The following SRMS variants were observed in gnomAD, a reference collection of about 807,000 sequenced individuals.
The protein encoded by SRMS is src-related kinase lacking C-terminal regulatory tyrosine and N-terminal myristylation sites, also known as tyrosine-protein kinase Srms.
Under a neutral mutation model 43.5 loss-of-function variants are expected in SRMS, and 42 were observed. The ratio of observed to expected loss-of-function variants is 0.97; its 90% CI spans 0.75 to 1.25. SRMS has a LOEUF of 1.25. Ranked by LOEUF, SRMS falls within the 50% of genes most tolerant of loss-of-function variation. The probability of loss-of-function intolerance (pLI) is 0.00; values close to 1 mark genes in which losing one functional copy is unlikely to be tolerated. For missense variants in SRMS, 703 were observed against 681.0 expected (o/e 1.03, Z -0.36); for synonymous variants, 316 against 308.2 (o/e 1.03, Z -0.27).
Position 63,544,358 on chromosome 20 carries a change from G to A in SRMS, c.357-10C>T. On this transcript the variant is annotated splice_polypyrimidine_tract_variant and intron_variant, in intron 1 of 7. Transcript: ENST00000217188. ...CCCGCTAAAGTACCAGCTGCAAACA[G>A]CAGGTGCGGCAGTCACCTTGCAGGC... 6.8e-7 allele frequency: 1 copy of A among 1,460,514 alleles called. No homozygotes were observed. The highest frequency in any genetic ancestry group is 9.0e-7 in the Non-Finnish European group (1 of 1,108,342). The allele number at this position is 1,460,514 out of a possible 1,614,324, so 90.5% of individuals were successfully genotyped here. A position where few individuals can be genotyped will look rare whatever the true frequency, so the allele number is the denominator to read the frequency against.
chr20:63,543,597 A>C lies in SRMS; in HGVS notation c.479-117T>G, dbSNP rs961875811. ...GGGTCTGGCTCAGACCTAGCTGGGG[A>C]CCCTGAGATGGTCAGAGCTGTGTGG... On this transcript the variant is annotated intron_variant, in intron 2 of 7. Transcript: ENST00000217188. 11 of 1,263,676 alleles carry C rather than the reference A, an allele frequency of 8.7e-6. No homozygotes were observed. The African/African-American group carries it at 1.7e-4, about 19-fold the overall frequency. 78.3% of individuals were successfully genotyped at this position (1,263,676 alleles called of 1,614,324 possible). A position where few individuals can be genotyped will look rare whatever the true frequency, so the allele number is the denominator to read the frequency against.
At position 63,541,355 on chromosome 20, in the gene SRMS, C is replaced by T. The variant is rs200260420; in HGVS notation, c.1129-8G>A. 2.4e-5 allele frequency: 37 copies of T among 1,540,806 alleles called. No homozygotes were observed. The highest frequency in any genetic ancestry group is 1.6e-4 in the East Asian group (7 of 44,072). ...CGGGGAGTAGATGTCGTCCTGGGGG[C>T]GAGGGAAGGCCCCTGGTAGGGCAGG... On this transcript the variant is annotated splice_polypyrimidine_tract_variant and splice_region_variant and intron_variant, in intron 6 of 7. Coordinates refer to ENST00000217188, the MANE Select transcript of SRMS (RefSeq NM_080823.4).
rs113728314 is a variant in SRMS, at chr20:63,539,003, C to T, written c.*1815G>A. Among the ~76,000 whole-genome samples the T allele has an allele frequency of 6.6e-6, 1 of 152,136 alleles. No individual in the cohort carries two copies. The highest frequency in any genetic ancestry group is 1.5e-5 in the Non-Finnish European group (1 of 67,998). On this transcript the variant is annotated 3_prime_UTR_variant, in exon 8 of 8. Coordinates refer to ENST00000217188, the MANE Select transcript of SRMS (RefSeq NM_080823.4). ...CACCTGGTCCCCTTAATCCCAGTGGCGGCTGCAGAGAGCACAGAGGGCGAG... is the reference window on the plus strand; with the variant it reads ...CACCTGGTCCCCTTAATCCCAGTGGTGGCTGCAGAGAGCACAGAGGGCGAG...
chr20:63,540,878 T>C lies in SRMS; in HGVS notation c.1407A>G (p.Glu469=). ...CCCGCAGCGTGGCGAAGGAGGGCCG[T>C]TCCTCGGGGCTGCTCCTCCAGCACT... ...MLECWRSSPE[E]RPSFATLREK... The change falls in exon 8 of 8, where the codon GAA becomes GAG. Residue 469 remains glutamate, a synonymous_variant. Transcript: ENST00000217188. The C allele has an allele frequency of 6.2e-7, 1 of 1,606,016 alleles. No homozygotes were observed.
rs761205970 is a variant in SRMS at position 63,547,322 on chromosome 20, G to T, written c.142C>A (p.Pro48Thr). ...AAGAGCTGAGGGAAGGGGCTGCAAG[G>T]CTCGGCGGGGAGCGTGGGCACTGGG... is the stretch of plus-strand genomic sequence containing the variant. ...TDPVPTLPAE[P>T]CSPFPQLFLA... The change falls in exon 1 of 8, where the codon CCT becomes ACT. Residue 48 changes from proline (P) to threonine (T), a missense_variant. Physicochemically the swap from Pro to Thr is conservative, Grantham distance 38. Coordinates refer to ENST00000217188, the MANE Select transcript of SRMS (RefSeq NM_080823.4). 1.4e-4 allele frequency: 231 copies of T among 1,596,510 alleles called. No individual in the cohort carries two copies. The highest frequency in any genetic ancestry group is 1.7e-4 in the Non-Finnish European group (199 of 1,169,326).
rs2082739186 is a variant in SRMS at position 63,547,380 on chromosome 20, A to G, written c.84T>C (p.His28=). ...KIWPAGGEPD[H]GTPGSLDPNT... ...TGGGGTCCAGGGACCCGGGGGTGCC[A>G]TGGTCCGGCTCGCCGCCCGCCGGCC... Residue 28 remains histidine, a synonymous_variant, in exon 1 of 8, where the codon CAT becomes CAC. Coordinates refer to ENST00000217188, the MANE Select transcript of SRMS (RefSeq NM_080823.4). 2.5e-6 allele frequency: 4 copies of G among 1,569,258 alleles called. No individual in the cohort carries two copies. In the South Asian group the frequency reaches 4.6e-5, roughly 18 times the overall value.
chr20:63,542,542 CG>C lies in SRMS; in HGVS notation c.684del (p.Glu229AsnfsTer37), dbSNP rs769525939. On this transcript the variant is annotated frameshift_variant, in exon 4 of 8. Transcript: ENST00000217188. LOFTEE classifies it high-confidence loss of function. Reference protein sequence around the residue: ...PRQDVWERPHSEFALGRKLGE... With the variant: ...PRQDVWERPHXEFALGRKLGE... Reference sequence around the variant, plus strand: ...CCCAGCTTCCTCCCAAGGGCGAATTCGGAGTGTGGCCGCTCCCACACGTCCT... The same window carrying C: ...CCCAGCTTCCTCCCAAGGGCGAATTCGAGTGTGGCCGCTCCCACACGTCCT... 5 of 1,544,240 alleles carry C rather than the reference CG, an allele frequency of 3.2e-6. No individual in the cohort carries two copies. The South Asian group carries it at 5.5e-5, about 17-fold the overall frequency.
intron 2 of SRMS, 83 bp from the exon 3 acceptor site, chr20:63,543,563 C>A (rs1225496658): frequency 1.4e-5 from 21 of 1,506,890 alleles, no homozygotes; most frequent in Non-Finnish European, 1.9e-5. Flanking sequence ...CTGGCCACAA[C>A]CCACTAAGGG....
intron 1 of SRMS, 67 bp from the exon 2 acceptor site, chr20:63,544,415 C>T (rs576833046): frequency 3.4e-5 from 48 of 1,401,414 alleles, no homozygotes; most frequent in Non-Finnish European, 3.1e-5. Flanking sequence ...TGCTCTCCTC[C>T]GTGTTGCCGG....
At position 63,541,431 on chromosome 20, in the gene SRMS, C is replaced by G. The variant is rs1319534083; in HGVS notation, c.1128+8G>C. The stretch of plus-strand genomic sequence containing the variant: ...CCTCTGGGTCAGGGGCCCAGAGCCT[C>G]CGCTGACCTTGAGCAGCCGGGCCAG... On this transcript the variant is annotated splice_region_variant and intron_variant, in intron 6 of 7. Transcript: ENST00000217188. 3.8e-6 allele frequency: 6 copies of G among 1,595,620 alleles called. No individual in the cohort carries two copies. In the Admixed American group the frequency reaches 5.1e-5, roughly 13 times the overall value.
chr20:63,541,666 C>A, intron 5 of SRMS, 46 bp from the exon 6 acceptor site: 1 of 1,458,120 alleles, frequency 6.9e-7, no homozygotes, highest in Non-Finnish European at 9.0e-7. Flanking sequence ...GGCCAACGGC[C>A]GGTGAGGCCA....
Position 63,544,408 on chromosome 20 carries a change from TCTC to T in SRMS, c.357-63_357-61del. On this transcript the variant is annotated intron_variant, in intron 1 of 7. Coordinates refer to ENST00000217188, the MANE Select transcript of SRMS (RefSeq NM_080823.4). Reference sequence around the variant, plus strand: ...CCCCTCAGCCAGTGGCCCCACATGCTCTCCTCCGTGTTGCCGGCAGGGCTGAGC... The same window carrying T: ...CCCCTCAGCCAGTGGCCCCACATGCTCTCCGTGTTGCCGGCAGGGCTGAGC... 5 of 1,412,692 alleles carry T rather than the reference TCTC, an allele frequency of 3.5e-6. No homozygotes were observed. In the South Asian group the frequency reaches 4.4e-5, roughly 13 times the overall value. The allele number at this position is 1,412,692 out of a possible 1,614,324, so 87.5% of individuals were successfully genotyped here.
In SRMS at chr20:63,541,293, G is replaced by A. The variant is rs930558316; in HGVS notation, c.1183C>T (p.Pro395Ser). The A allele has an allele frequency of 6.4e-7, 1 of 1,561,428 alleles. No individual in the cohort carries two copies. Among genetic ancestry groups the A allele is most frequent in the Non-Finnish European group, 8.6e-7 (1 of 1,157,518 alleles). ...SSKIPVKWTA[P>S]EAANYRVFSQ... is the part of the protein sequence containing the mutation. The stretch of plus-strand genomic sequence containing the variant: ...AAGACACGATAATTGGCCGCCTCAG[G>A]CGCTGTCCACTTGACCGGGATCTTG... The change falls in exon 7 of 8, where the codon CCT becomes TCT. Residue 395 changes from proline to serine, a missense_variant. Physicochemically the swap from Pro to Ser is moderately conservative, Grantham distance 74 (BLOSUM62 -1). Transcript: ENST00000217188.
rs2082690705 is a variant in SRMS at position 63,539,479 on chromosome 20, C to A, written c.*1339G>T. Reference sequence around the variant, plus strand: ...ACCCCAACTCTAGGGGACAAGGACTCAGTCAGGCCTGAACTTGTCTCCAAA... The same window carrying A: ...ACCCCAACTCTAGGGGACAAGGACTAAGTCAGGCCTGAACTTGTCTCCAAA... On this transcript the variant is annotated 3_prime_UTR_variant, in exon 8 of 8. Coordinates refer to ENST00000217188, the MANE Select transcript of SRMS (RefSeq NM_080823.4). Among the ~76,000 whole-genome samples, 1 of 152,224 alleles carries A rather than the reference C, an allele frequency of 6.6e-6. No homozygotes were observed. The highest frequency in any genetic ancestry group is 1.5e-5 in the Non-Finnish European group (1 of 68,032).
In SRMS at chr20:63,547,380, A is replaced by T; in HGVS notation, c.84T>A (p.His28Gln). ...KIWPAGGEPDHGTPGSLDPNT... is the reference protein window; with the variant it reads ...KIWPAGGEPDQGTPGSLDPNT... The stretch of plus-strand genomic sequence containing the variant: ...TGGGGTCCAGGGACCCGGGGGTGCC[A>T]TGGTCCGGCTCGCCGCCCGCCGGCC... Residue 28 changes from histidine (H) to glutamine (Q), a missense_variant, in exon 1 of 8, where the codon CAT becomes CAA. Transcript: ENST00000217188. 1 of 1,569,376 alleles carries T rather than the reference A, an allele frequency of 6.4e-7. No homozygotes were observed. Among genetic ancestry groups the T allele is most frequent in the Non-Finnish European group, 8.6e-7 (1 of 1,157,852 alleles).
intron 7 of SRMS, 55 bp downstream of exon 7, chr20:63,541,136 G>C (rs1355202185): frequency 1.3e-6 from 2 of 1,549,934 alleles, no homozygotes; most frequent in East Asian, 4.5e-5. Context: ...CAGGCCCGGG[G>C]CCAGTGACTC....
At chr20:63,542,704 G>C in intron 3 of SRMS, 123 bp from the exon 4 acceptor site, 3 of 1,273,490 alleles carry the variant, frequency 2.4e-6, no homozygotes, top group Non-Finnish European at 2.1e-6. Context: ...ACCCCACCCT[G>C]GCTGGGACAA....
At position 63,542,459 on chromosome 20, in the gene SRMS, C is replaced by A. The variant is rs768410514; in HGVS notation, c.768G>T (p.Ala256=). Residue 256 remains alanine, a synonymous_variant, in exon 4 of 8, where the codon GCG becomes GCT. Transcript: ENST00000217188. ...EGLWLGSLPV[A]IKVIKSANMK... ...CCTCACCTGACTTGATGACCTTGAT[C>A]GCCACGGGCAGGGAGCCCAGCCACA... The A allele has an allele frequency of 8.1e-6, 13 of 1,611,756 alleles. No individual in the cohort carries two copies. The highest frequency in any genetic ancestry group is 1.1e-5 in the Non-Finnish European group (13 of 1,179,444).
chr20:63,541,275 G>C lies in SRMS; in HGVS notation c.1201C>G (p.Arg401Gly). ...ACGTCTGACTTCTGGGAGAAGACAC[G>C]ATAATTGGCCGCCTCAGGCGCTGTC... ...KWTAPEAANY[R>G]VFSQKSDVWS... Residue 401 changes from arginine to glycine, a missense_variant, in exon 7 of 8, where the codon CGT becomes GGT. Coordinates refer to ENST00000217188, the MANE Select transcript of SRMS (RefSeq NM_080823.4). 1 of 1,568,362 alleles carries C rather than the reference G, an allele frequency of 6.4e-7. No homozygotes were observed. Among genetic ancestry groups the C allele is most frequent in the Non-Finnish European group, 8.6e-7 (1 of 1,161,932 alleles).
Sources: allele counts gnomAD v4.1 joint callset (sites outside exome capture counted in the v4.1 genomes callset), GRCh38; gene constraint gnomAD v4.1.1; transcripts MANE v1.5; gene names NCBI Gene and HGNC (gene_info 2026-07-23, HGNC 2026-07-21).